Variants in RBM20 observed in about 807,000 individuals in gnomAD.
The protein encoded by RBM20 is RNA binding motif protein 20, also known as RNA-binding protein 20.
In RBM20, 51 loss-of-function variants were observed where a neutral mutation model predicts 110.1. That is an observed-to-expected ratio of 0.46 (90% CI 0.37 to 0.59). The LOEUF (loss-of-function observed/expected upper bound fraction) is 0.59. Among genes scored for constraint, RBM20 ranks in the 20% least tolerant of loss-of-function variants. RBM20 has a pLI of 0.00. For missense variants in RBM20, 1,512 were observed against 1,574.9 expected (o/e 0.96, Z 0.68); for synonymous variants, 589 against 618.2 (o/e 0.95, Z 0.70).
At chr10:110,690,387 T>C (rs992242762) in intron 1 of RBM20, among the ~76,000 whole-genome samples, 2 of 151,754 alleles carry the variant, frequency 1.3e-5, no homozygotes, top group African/African-American at 4.9e-5. Flanking sequence ...GGTTGTGCAA[T>C]AGAGCAAGAC....
intron 1 of RBM20, among the ~76,000 whole-genome samples, chr10:110,780,504 G>A (rs181460016): frequency 3.9e-5 from 6 of 152,136 alleles, no homozygotes; most frequent in African/African-American, 1.4e-4. Context: ...CCAACACGGA[G>A]TGCCATTTTA....
intron 1 of RBM20, among the ~76,000 whole-genome samples, chr10:110,671,259 A>G (rs192655261): frequency 1.3e-5 from 2 of 152,356 alleles, no homozygotes; most frequent in African/African-American, 4.8e-5. Context: ...TGTCTTATCA[A>G]TACTATAGTA....
rs397516600 is a variant in RBM20, at chr10:110,812,505, G to A, written c.2108G>A (p.Arg703Lys). Residue 703 changes from arginine to lysine, a missense_variant, in exon 9 of 14, where the codon AGG becomes AAG. By Grantham distance (26) the Arg-to-Lys change is conservative (BLOSUM62 2). This residue lies in a region of RBM20 where 1,149 missense variants were observed against 1,169.4 expected (regional missense o/e 0.98). Coordinates refer to ENST00000369519, the MANE Select transcript of RBM20 (RefSeq NM_001134363.3). ...GACAACGGAGATGACAAGAGGGACAGGATGGACCCCTGGGCACATGATCGC... is the reference window on the plus strand; with the variant it reads ...GACAACGGAGATGACAAGAGGGACAAGATGGACCCCTGGGCACATGATCGC... ...WRDNGDDKRD[R>K]MDPWAHDRKH... The A allele has an allele frequency of 1.9e-6, 3 of 1,551,582 alleles. No individual in the cohort carries two copies. The highest frequency in any genetic ancestry group is 2.6e-6 in the Non-Finnish European group (3 of 1,146,998).
chr10:110,650,479 A>G (rs1263915879), intron 1 of RBM20, among the ~76,000 whole-genome samples: 1 of 152,178 alleles, frequency 6.6e-6, no homozygotes, highest in Non-Finnish European at 1.5e-5. Flanking sequence ...CAATCTTTCC[A>G]TGTGTTCAGA....
chr10:110,784,647 C>T, intron 4 of RBM20, 145 bp from the exon 5 acceptor site: 1 of 707,898 alleles, frequency 1.4e-6, no homozygotes, highest in Non-Finnish European at 2.5e-6. Flanking sequence ...TGCTGATTAT[C>T]AGCATGTCCA....
chr10:110,752,945 A>ATATTTTT (rs1433992064), intron 1 of RBM20, among the ~76,000 whole-genome samples: 4 of 109,014 alleles, frequency 3.7e-5, no homozygotes, highest in African/African-American at 1.1e-4. Flanking sequence ...ATATATATAT[A>ATATTTTT]TTTTTTTTTT....
intron 1 of RBM20, among the ~76,000 whole-genome samples, chr10:110,673,037 T>C (rs886408476): frequency 3.3e-5 from 5 of 152,192 alleles, no homozygotes; most frequent in African/African-American, 1.2e-4. Flanking sequence ...ACTCTACTTT[T>C]GAATATTTAG....
intron 10 of RBM20, among the ~76,000 whole-genome samples, chr10:110,820,567 A>C (rs1844895648): frequency 6.6e-6 from 1 of 152,246 alleles, no homozygotes; most frequent in Non-Finnish European, 1.5e-5. Flanking sequence ...CCCAGACCCT[A>C]GGATTAACAA....
intron 1 of RBM20, among the ~76,000 whole-genome samples, chr10:110,709,937 G>GTT (rs1358067570): frequency 1.3e-5 from 2 of 152,078 alleles, no homozygotes; most frequent in African/African-American, 4.8e-5. Context: ...TGAACAGAAT[G>GTT]TTTGTTTTTT....
chr10:110,759,365 C>T (rs1258864743), intron 1 of RBM20, among the ~76,000 whole-genome samples: 1 of 152,130 alleles, frequency 6.6e-6, no homozygotes, highest in South Asian at 2.1e-4. Flanking sequence ...GAGTAGTCAG[C>T]CCTGGTTTTA....
Position 110,821,630 on chromosome 10 carries a change from T to C in RBM20, c.3011T>C (p.Leu1004Pro). 1 of 1,551,710 alleles carries C rather than the reference T, an allele frequency of 6.4e-7. No individual in the cohort carries two copies. The highest frequency in any genetic ancestry group is 8.7e-7 in the Non-Finnish European group (1 of 1,146,934). ...GACGTGGAAATGCCTGGCCTAAATC[T>C]GGATGCTGAGCGGAAGCCAGCTGAA... ...DMDVEMPGLN[L>P]DAERKPAESE... Residue 1004 changes from leucine (L) to proline (P), a missense_variant, in exon 11 of 14, where the codon CTG becomes CCG. Leu to Pro is a moderately conservative substitution (Grantham distance 98). This residue lies in a region of RBM20 where 358 missense variants were observed against 384.2 expected (regional missense o/e 0.93). Coordinates refer to ENST00000369519, the MANE Select transcript of RBM20 (RefSeq NM_001134363.3).
intron 1 of RBM20, among the ~76,000 whole-genome samples, chr10:110,664,759 T>C (rs1052479162): frequency 1.3e-5 from 2 of 152,044 alleles, no homozygotes; most frequent in South Asian, 4.2e-4. Context: ...AAAAATTTTT[T>C]AAAAAAGAAA....
chr10:110,712,269 C>T (rs1176161072), intron 1 of RBM20, among the ~76,000 whole-genome samples: 1 of 152,158 alleles, frequency 6.6e-6, no homozygotes, highest in Non-Finnish European at 1.5e-5. Flanking sequence ...TTTTTGTCAT[C>T]CCTAAGATAT....
intron 1 of RBM20, among the ~76,000 whole-genome samples, chr10:110,767,217 A>AC (rs1420358133): frequency 3.3e-4 from 27 of 81,184 alleles, no homozygotes; most frequent in African/African-American, 1.0e-3. Context: ...GGGGGGGCTG[A>AC]CCCCCCCACC....
chr10:110,812,583 G>T lies in RBM20; in HGVS notation c.2186G>T (p.Gly729Val). Residue 729 changes from glycine to valine, a missense_variant, in exon 9 of 14, where the codon GGA becomes GTA. Physicochemically the swap from Gly to Val is moderately radical, Grantham distance 109. Transcript: ENST00000369519. ...GCTGAGTTGGACGAGCGACCAGAAGGAGGGAGGCCCCACCGGGAGAAGTAC... is the reference window on the plus strand; with the variant it reads ...GCTGAGTTGGACGAGCGACCAGAAGTAGGGAGGCCCCACCGGGAGAAGTAC... The part of the protein sequence containing the change: ...DKAELDERPE[G>V]GRPHREKYPR... The T allele has an allele frequency of 6.4e-7, 1 of 1,551,726 alleles. No homozygotes were observed. The highest frequency in any genetic ancestry group is 8.7e-7 in the Non-Finnish European group (1 of 1,147,004).
At chr10:110,715,334 G>A (rs1590632619) in intron 1 of RBM20, among the ~76,000 whole-genome samples, 1 of 115,032 alleles carries the variant, frequency 8.7e-6, no homozygotes, top group African/African-American at 3.5e-5. Context: ...ACTCTTTACT[G>A]ACTAACTCCC....
chr10:110,724,596 G>A (rs1189392643), intron 1 of RBM20, among the ~76,000 whole-genome samples: 1 of 152,142 alleles, frequency 6.6e-6, no homozygotes, highest in East Asian at 1.9e-4. Context: ...GAGTCACCTT[G>A]ACAGGCCCAG....
At chr10:110,734,618 C>CAT (rs34824300) in intron 1 of RBM20, among the ~76,000 whole-genome samples, 6,549 of 136,442 alleles carry the variant, frequency 0.048, 353 homozygotes, top group African/African-American at 0.12. Flanking sequence ...AAAATTCCCT[C>CAT]TTTTTTTTTT....
At chr10:110,754,508 T>C (rs1423478297) in intron 1 of RBM20, among the ~76,000 whole-genome samples, 1 of 152,234 alleles carries the variant, frequency 6.6e-6, no homozygotes, top group African/African-American at 2.4e-5. Flanking sequence ...ATAGTCTAAA[T>C]CCACTCTTCT....
Sources: allele counts gnomAD v4.1 joint callset (sites outside exome capture counted in the v4.1 genomes callset), GRCh38; gene constraint gnomAD v4.1.1; regional missense constraint gnomAD v4.1.1; transcripts MANE v1.5; gene names NCBI Gene and HGNC (gene_info 2026-07-23, HGNC 2026-07-21).